NRXN3: variants seen among roughly 807,000 people sequenced by gnomAD.
NRXN3 encodes neurexin III.
A neutral mutation model predicts 137.6 loss-of-function variants in NRXN3; 32 were observed. The observed-to-expected ratio is 0.23, with a 90% confidence interval of 0.18 to 0.31. The LOEUF (loss-of-function observed/expected upper bound fraction) is 0.31. NRXN3 is among the 10% of genes least tolerant of loss of function. The pLI, the probability that NRXN3 is intolerant of heterozygous loss-of-function variation, is 1.00. For synonymous variants in NRXN3, 798 were observed against 784.5 expected (o/e 1.02, Z -0.29); for missense variants, 1,574 against 2,062.5 (o/e 0.76, Z 4.59).
At chr14:79,521,466 T>C (rs1403651157) in intron 16 of NRXN3, among the ~76,000 whole-genome samples, 2 of 152,184 alleles carry the variant, frequency 1.3e-5, no homozygotes, top group Non-Finnish European at 2.9e-5. Context: ...TCGACAAATA[T>C]ATTATTTGCT....
intron 6 of NRXN3, among the ~76,000 whole-genome samples, chr14:78,698,886 C>A (rs904863108): frequency 2.0e-5 from 3 of 152,044 alleles, no homozygotes; most frequent in South Asian, 2.1e-4. Flanking sequence ...ACCTTTTCAT[C>A]TCATTACTTA....
At chr14:79,260,740 A>C (rs78484310) in intron 15 of NRXN3, among the ~76,000 whole-genome samples, 3,567 of 152,252 alleles carry the variant, frequency 0.023, 167 homozygotes, top group African/African-American at 0.081. Flanking sequence ...ATAAATTCTC[A>C]GAGCTCAGAT....
intron 4 of NRXN3, among the ~76,000 whole-genome samples, chr14:78,630,901 G>A (rs868444671): frequency 6.6e-6 from 1 of 152,096 alleles, no homozygotes; most frequent in Non-Finnish European, 1.5e-5. Flanking sequence ...CGCTGCACCC[G>A]GCCATTTTTC....
chr14:78,423,691 C>A (rs2093549426), intron 4 of NRXN3, among the ~76,000 whole-genome samples: 1 of 152,156 alleles, frequency 6.6e-6, no homozygotes, highest in Non-Finnish European at 1.5e-5. Context: ...TACCAAGACC[C>A]CTTGCATGTT....
chr14:78,422,366 C>T (rs924322454), intron 4 of NRXN3, among the ~76,000 whole-genome samples: 14 of 152,290 alleles, frequency 9.2e-5, no homozygotes, highest in East Asian at 1.9e-4. Context: ...TGGTCTGTTT[C>T]GTCACTTTTG....
chr14:79,409,617 C>CTATATATATATA (rs796485268), intron 15 of NRXN3, among the ~76,000 whole-genome samples: 1,166 of 112,004 alleles, frequency 0.01, 8 homozygotes, highest in African/African-American at 0.016. Flanking sequence ...GTGTGTGTGT[C>CTATATATATATA]TATATATATA....
chr14:78,805,328 G>A (rs931550720), intron 9 of NRXN3, among the ~76,000 whole-genome samples: 5 of 151,598 alleles, frequency 3.3e-5, no homozygotes, highest in Non-Finnish European at 7.4e-5. Context: ...GGATCTTTTT[G>A]TGTGCGTGTG....
At chr14:79,586,967 G>A (rs560760087) in intron 16 of NRXN3, among the ~76,000 whole-genome samples, 11 of 152,286 alleles carry the variant, frequency 7.2e-5, no homozygotes, top group African/African-American at 2.6e-4. Flanking sequence ...CCTGACTCAA[G>A]TGAATCTGCT....
intron 1 of NRXN3, among the ~76,000 whole-genome samples, chr14:78,187,882 T>G (rs1343851712): frequency 6.6e-6 from 1 of 151,992 alleles, no homozygotes; most frequent in Non-Finnish European, 1.5e-5. Flanking sequence ...CTAGAAGCTT[T>G]CATGTGTACT....
intron 16 of NRXN3, among the ~76,000 whole-genome samples, chr14:79,474,665 G>A (rs138142868): frequency 7.2e-5 from 11 of 152,156 alleles, no homozygotes; most frequent in African/African-American, 1.7e-4. Context: ...AATGCATTGC[G>A]CTTCTATTCT....
At chr14:79,216,766 T>C (rs2068571592) in intron 15 of NRXN3, among the ~76,000 whole-genome samples, 1 of 152,190 alleles carries the variant, frequency 6.6e-6, no homozygotes, top group African/African-American at 2.4e-5. Flanking sequence ...AACTATTTAA[T>C]AAATATTATA....
chr14:78,204,570 ATAT>A (rs2062002367), intron 1 of NRXN3, among the ~76,000 whole-genome samples: 2 of 152,236 alleles, frequency 1.3e-5, no homozygotes, highest in South Asian at 4.1e-4. Flanking sequence ...TGGTAATGAA[ATAT>A]TATGCTATCA....
intron 15 of NRXN3, among the ~76,000 whole-genome samples, chr14:79,173,111 A>T (rs1264957340): frequency 1.3e-5 from 2 of 152,228 alleles, no homozygotes; most frequent in African/African-American, 2.4e-5. Flanking sequence ...AAAAATTATT[A>T]AAAATATTGG....
chr14:78,523,525 T>C (rs1243709719), intron 4 of NRXN3, among the ~76,000 whole-genome samples: 5 of 150,082 alleles, frequency 3.3e-5, no homozygotes, highest in South Asian at 2.1e-4. Context: ...GTAGGCCGGG[T>C]GCGGTGGCTC....
intron 4 of NRXN3, among the ~76,000 whole-genome samples, chr14:78,517,707 A>G (rs1441998325): frequency 6.6e-6 from 1 of 152,202 alleles, no homozygotes; most frequent in Non-Finnish European, 1.5e-5. Context: ...CTTCAATTCA[A>G]TTATTCCAAA....
Position 79,492,753 on chromosome 14 carries a change from A to G in NRXN3, c.3444+25351A>G, listed in dbSNP as rs2096729254. Reference sequence around the variant, plus strand: ...ACCTTATTGGTATGGTGAATTATGTAAAGTCTCAGAAGATTACTTTTGACT... The same window carrying G: ...ACCTTATTGGTATGGTGAATTATGTGAAGTCTCAGAAGATTACTTTTGACT... On this transcript the variant is annotated intron_variant, in intron 16 of 20. Transcript: ENST00000335750. Among the ~76,000 whole-genome samples the G allele has an allele frequency of 3.3e-5, 5 of 152,298 alleles. 1 individual carries two copies. In the South Asian group the frequency reaches 1.0e-3, roughly 32 times the overall value.
intron 15 of NRXN3, chr14:79,279,375 T>A (rs2080866317): frequency 2.0e-6 from 2 of 985,898 alleles, no homozygotes; most frequent in South Asian, 4.7e-5. Flanking sequence ...GCTCCCCAAC[T>A]CCTCGCTTCA....
intron 16 of NRXN3, among the ~76,000 whole-genome samples, chr14:79,637,697 T>C (rs963937215): frequency 1.3e-5 from 2 of 150,984 alleles, no homozygotes; most frequent in African/African-American, 4.9e-5. Context: ...ATTTTGATGC[T>C]CTAAGAAACT....
chr14:78,715,166 G>A (rs766378629), intron 8 of NRXN3, 27 bp downstream of exon 8: 8 of 1,591,484 alleles, frequency 5.0e-6, no homozygotes, highest in Non-Finnish European at 5.1e-6. Flanking sequence ...GATGGCAAGT[G>A]AGGGCCTGAG....
Sources: allele counts gnomAD v4.1 joint callset (sites outside exome capture counted in the v4.1 genomes callset), GRCh38; gene constraint gnomAD v4.1.1; transcripts MANE v1.5; gene names NCBI Gene and HGNC (gene_info 2026-07-23, HGNC 2026-07-21).